NCAM2: variants seen among roughly 807,000 people sequenced by gnomAD.
The protein encoded by NCAM2 is neural cell adhesion molecule 2.
In NCAM2, 30 loss-of-function variants were observed where a neutral mutation model predicts 98.1. That is an observed-to-expected ratio of 0.31 (90% CI 0.23 to 0.41). The LOEUF (loss-of-function observed/expected upper bound fraction) is 0.41, where lower values mean the gene tolerates loss of function less well. Ranked by LOEUF, NCAM2 falls within the 10% of genes least tolerant of loss-of-function variation. The pLI, the probability that NCAM2 is intolerant of heterozygous loss-of-function variation, is 1.00. For missense variants in NCAM2, 867 were observed against 1,005.8 expected (o/e 0.86, Z 1.87); for synonymous variants, 368 against 342.4 (o/e 1.07, Z -0.83).
intron 1 of NCAM2, among the ~76,000 whole-genome samples, chr21:21,129,616 T>C (rs2047482216): frequency 6.6e-6 from 1 of 152,136 alleles, no homozygotes; most frequent in Admixed American, 6.6e-5. Flanking sequence ...GCTGGCGATT[T>C]GGTTTTTAGA....
chr21:21,537,994 A>C lies in NCAM2; in HGVS notation c.*37A>C, dbSNP rs751972641. On this transcript the variant is annotated 3_prime_UTR_variant, in exon 18 of 18. Coordinates refer to ENST00000400546, the MANE Select transcript of NCAM2 (RefSeq NM_004540.5). ...CAGGGGCTTGAACAACACTACGAAG[A>C]GTATTTGGATTGCGTGACCCTATGA... is the stretch of plus-strand genomic sequence containing the variant. 7.9e-7 allele frequency: 1 copy of C among 1,263,718 alleles called. No individual in the cohort carries two copies. The highest frequency in any genetic ancestry group is 1.1e-6 in the Non-Finnish European group (1 of 907,076). 78.3% of individuals were successfully genotyped at this position (1,263,718 alleles called of 1,614,324 possible).
chr21:21,096,231 A>G (rs1157103773), intron 1 of NCAM2, among the ~76,000 whole-genome samples: 2 of 151,556 alleles, frequency 1.3e-5, no homozygotes, highest in Non-Finnish European at 3.0e-5. Context: ...TTTAAATGCT[A>G]TATATATATT....
rs557994294 is a variant in NCAM2, at chr21:21,484,297, A to G, written c.2077+6826A>G. 5.3e-5 allele frequency among the ~76,000 whole-genome samples: 8 copies of G among 150,266 alleles called. No individual in the cohort carries two copies. The South Asian group carries it at 1.7e-3, about 32-fold the overall frequency. ...AAGTATTTTTTGTAGGTTTGCATTAATTGTTAATGACTTTGTGTAAATCTT... is the reference window on the plus strand; with the variant it reads ...AAGTATTTTTTGTAGGTTTGCATTAGTTGTTAATGACTTTGTGTAAATCTT... On this transcript the variant is annotated intron_variant, in intron 15 of 17. Coordinates refer to ENST00000400546, the MANE Select transcript of NCAM2 (RefSeq NM_004540.5).
chr21:21,135,199 T>A (rs1459918686), intron 1 of NCAM2, among the ~76,000 whole-genome samples: 1 of 146,238 alleles, frequency 6.8e-6, no homozygotes, highest in Admixed American at 7.1e-5. Flanking sequence ...TGAGCCAAGA[T>A]TGCGCCACTG....
chr21:21,317,646 T>C (rs1169514003), intron 5 of NCAM2, among the ~76,000 whole-genome samples: 1 of 152,010 alleles, frequency 6.6e-6, no homozygotes, highest in Admixed American at 6.6e-5. Context: ...TATCCTCCCA[T>C]CTCAGCCTCT....
intron 8 of NCAM2, among the ~76,000 whole-genome samples, chr21:21,362,284 G>T (rs939380786): frequency 3.0e-4 from 46 of 152,040 alleles, no homozygotes; most frequent in Non-Finnish European, 4.4e-5. Flanking sequence ...CTGTTCAAAA[G>T]CCTTTAATAG....
At chr21:21,099,456 G>A (rs947664825) in intron 1 of NCAM2, among the ~76,000 whole-genome samples, 122 of 151,942 alleles carry the variant, frequency 8.0e-4, no homozygotes, top group Non-Finnish European at 1.5e-3. Context: ...AATCATGATG[G>A]AAGGCCCCTC....
chr21:21,499,832 A>G (rs1348291109), intron 15 of NCAM2, among the ~76,000 whole-genome samples: 1 of 152,176 alleles, frequency 6.6e-6, no homozygotes, highest in African/African-American at 2.4e-5. Flanking sequence ...GAAACTGGGA[A>G]TGAAACAACA....
Position 21,376,747 on chromosome 21 carries a change from A to G in NCAM2, c.1195+2734A>G, listed in dbSNP as rs2076041350. On this transcript the variant is annotated intron_variant, in intron 9 of 17. Coordinates refer to ENST00000400546, the MANE Select transcript of NCAM2 (RefSeq NM_004540.5). ...TTTGATCACATTGCATTCCTTCTTT[A>G]TAAGTTTAAATATTGGTTTATGTTT... 3.3e-5 allele frequency among the ~76,000 whole-genome samples: 5 copies of G among 151,924 alleles called. No individual in the cohort carries two copies. The South Asian group carries it at 1.0e-3, about 31-fold the overall frequency.
intron 15 of NCAM2, among the ~76,000 whole-genome samples, chr21:21,492,932 T>C (rs1986952439): frequency 6.6e-6 from 1 of 151,928 alleles, no homozygotes; most frequent in South Asian, 2.1e-4. Flanking sequence ...TTACTATTGT[T>C]TCTAGAATAT....
At chr21:21,380,979 CT>C (rs1166382414) in intron 9 of NCAM2, among the ~76,000 whole-genome samples, 3 of 152,106 alleles carry the variant, frequency 2.0e-5, no homozygotes, top group African/African-American at 7.2e-5. Flanking sequence ...CCCTCTTATG[CT>C]TTTTGTTTGT....
chr21:21,340,806 ATGATGCCT>A (rs1476566090), intron 8 of NCAM2, among the ~76,000 whole-genome samples: 1 of 152,030 alleles, frequency 6.6e-6, no homozygotes. Flanking sequence ...TCTGCCATTT[ATGATGCCT>A]CAGCATGATA....
In NCAM2 at chr21:21,350,968, T is replaced by A. The variant is rs555441524; in HGVS notation, c.1044+12434T>A. On this transcript the variant is annotated intron_variant, in intron 8 of 17. Transcript: ENST00000400546. ...AAAAAAGGAGAGAAAAGAAAAAAAA[T>A]TAGCCAGGCGTGGTGGCGGGTGCCT... Among the ~76,000 whole-genome samples, 9 of 141,984 alleles carry A rather than the reference T, an allele frequency of 6.3e-5. No homozygotes were observed. The East Asian group carries it at 1.7e-3, about 27-fold the overall frequency. The allele number at this position is 141,984 out of a possible 152,430, so 93.1% of individuals were successfully genotyped here. A position where few individuals can be genotyped will look rare whatever the true frequency, so the allele number is the denominator to read the frequency against.
At chr21:21,316,960 A>C in intron 5 of NCAM2, among the ~76,000 whole-genome samples, 1 of 152,190 alleles carries the variant, frequency 6.6e-6, no homozygotes, top group East Asian at 1.9e-4. Flanking sequence ...CGACTGTTTT[A>C]AATTACCCTG....
At chr21:21,359,358 C>A (rs1281505836) in intron 8 of NCAM2, among the ~76,000 whole-genome samples, 1 of 151,932 alleles carries the variant, frequency 6.6e-6, no homozygotes, top group Non-Finnish European at 1.5e-5. Context: ...GATTTTCAAT[C>A]ATTTACAACT....
In NCAM2 at chr21:21,539,736, G is replaced by A. The variant is rs1990155064; in HGVS notation, c.*1779G>A. On this transcript the variant is annotated 3_prime_UTR_variant, in exon 18 of 18. Coordinates refer to ENST00000400546, the MANE Select transcript of NCAM2 (RefSeq NM_004540.5). Reference sequence around the variant, plus strand: ...GCGTTCCTGTCTGGCGTATTCTGAAGAAAAGAACAGAATTCTTGTGCCTAC... The same window carrying A: ...GCGTTCCTGTCTGGCGTATTCTGAAAAAAAGAACAGAATTCTTGTGCCTAC... The A allele has an allele frequency of 6.6e-6, 1 of 152,124 alleles. No homozygotes were observed. Among genetic ancestry groups the A allele is most frequent in the South Asian group, 2.1e-4 (1 of 4,836 alleles). The allele number at this position is 152,124 out of a possible 1,614,324, so 9.4% of individuals were successfully genotyped here. A position where few individuals can be genotyped will look rare whatever the true frequency, so the allele number is the denominator to read the frequency against.
At chr21:21,328,990 T>C (rs2074598606) in intron 6 of NCAM2, among the ~76,000 whole-genome samples, 1 of 150,972 alleles carries the variant, frequency 6.6e-6, no homozygotes, top group Non-Finnish European at 1.5e-5. Flanking sequence ...AGTCTCACTC[T>C]GTCACCCAGG....
chr21:21,516,221 A>G (rs2146375212), intron 16 of NCAM2, among the ~76,000 whole-genome samples: 1 of 152,304 alleles, frequency 6.6e-6, no homozygotes, highest in South Asian at 2.1e-4. Context: ...ACAAAAGGAG[A>G]GTAAGGTCTA....
intron 1 of NCAM2, among the ~76,000 whole-genome samples, chr21:21,068,135 C>CTTTTTTT (rs68078560): frequency 1.1e-5 from 1 of 88,558 alleles, no homozygotes; most frequent in Non-Finnish European, 2.3e-5. Flanking sequence ...ACTTTTTTTT[C>CTTTTTTT]TTTTTTTTTT....
Sources: gnomAD v4.1 joint callset for allele counts (sites outside exome capture counted in the v4.1 genomes callset) on GRCh38, gnomAD v4.1.1 for gene constraint, MANE v1.5 for transcripts, NCBI Gene and HGNC (gene_info 2026-07-23, HGNC 2026-07-21) for gene names.